Variants in CASK observed in about 807,000 individuals in gnomAD.
CASK encodes peripheral plasma membrane protein CASK.
Under a neutral mutation model 82.9 loss-of-function variants are expected in CASK, and 4 were observed. The observed-to-expected ratio is 0.05, with a 90% confidence interval of 0.02 to 0.11. The LOEUF is 0.11. Among genes scored for constraint, CASK ranks in the 10% least tolerant of loss-of-function variants. The probability of loss-of-function intolerance (pLI) is 1.00; values close to 1 mark genes in which losing one functional copy is unlikely to be tolerated. For missense variants in CASK, 358 were observed against 720.9 expected (o/e 0.50, Z 5.76); for synonymous variants, 259 against 253.5 (o/e 1.02, Z -0.20).
chrX:41,635,484 A>G (rs10494505), intron 9 of CASK, among the ~76,000 whole-genome samples: 13,053 of 111,232 alleles, frequency 0.12, 750 homozygotes, highest in Middle Eastern at 0.18. Flanking sequence ...AACAGTTAAC[A>G]TTTTTCAGTA....
At chrX:41,569,639 G>A (rs1458488996) in intron 16 of CASK, 29 bp downstream of exon 16, 1 of 1,029,055 alleles carries the variant, frequency 9.7e-7, no homozygotes, top group Non-Finnish European at 1.4e-6. Context: ...ATTAAGGAAG[G>A]CAAAGAAAGA....
In CASK at chrX:41,696,305, G is replaced by A. The variant is rs146920583; in HGVS notation, c.430-24775C>T. The A allele has an allele frequency of 7.6e-6, 9 of 1,177,204 alleles. No individual in the cohort carries two copies. The highest frequency in any genetic ancestry group is 3.6e-5 in the African/African-American group (2 of 55,680). Reference sequence around the variant, plus strand: ...AAGCCATTTTTAACTTCATTCTTGTGGTAATGTTCTGGCTAATTTTCTTAC... The same window carrying A: ...AAGCCATTTTTAACTTCATTCTTGTAGTAATGTTCTGGCTAATTTTCTTAC... On this transcript the variant is annotated intron_variant, in intron 5 of 26. Transcript: ENST00000378163.
chrX:41,730,672 A>G (rs956479464), intron 5 of CASK, among the ~76,000 whole-genome samples: 1 of 110,973 alleles, frequency 9.0e-6, no homozygotes, highest in African/African-American at 3.3e-5. Flanking sequence ...AGAGTTCCTG[A>G]GATGCACAGA....
At chrX:41,538,870 G>A (rs1226087744) in intron 22 of CASK, among the ~76,000 whole-genome samples, 1 of 111,526 alleles carries the variant, frequency 9.0e-6, no homozygotes, top group South Asian at 3.8e-4. Flanking sequence ...TGCCCGCAGG[G>A]GTCAGGTAGC....
chrX:41,761,126 T>C (rs189745025), intron 3 of CASK, among the ~76,000 whole-genome samples: 75 of 112,173 alleles, frequency 6.7e-4, no homozygotes, highest in Middle Eastern at 4.6e-3. Flanking sequence ...GGCAGGTGTA[T>C]CAGTGCAGCC....
At chrX:41,595,375 A>G (rs756970120) in intron 12 of CASK, among the ~76,000 whole-genome samples, 3 of 111,168 alleles carry the variant, frequency 2.7e-5, no homozygotes, top group Non-Finnish European at 5.7e-5. Flanking sequence ...CATACGAGGT[A>G]GGAAGATCAC....
chrX:41,639,134 C>T (rs1002156929), intron 8 of CASK, among the ~76,000 whole-genome samples: 3 of 102,301 alleles, frequency 2.9e-5, no homozygotes, highest in African/African-American at 7.2e-5. Context: ...AATGCAGTGG[C>T]GCAATCTCGG....
chrX:41,882,243 C>T (rs1378060530), intron 1 of CASK, among the ~76,000 whole-genome samples: 1 of 111,095 alleles, frequency 9.0e-6, no homozygotes, highest in African/African-American at 3.3e-5. Context: ...TAATAAAGGC[C>T]AGGTACTATT....
chrX:41,555,771 C>A, intron 19 of CASK, 136 bp from the exon 20 acceptor site: 1 of 488,686 alleles, frequency 2.0e-6, no homozygotes, highest in African/African-American at 2.4e-5. Flanking sequence ...TACATTATTC[C>A]ATTTATCAGA....
chrX:41,522,262 T>C (rs2064647845), intron 26 of CASK: 2 of 112,023 alleles, frequency 1.8e-5, no homozygotes, highest in Admixed American at 1.9e-4. Context: ...GATTCTGTCC[T>C]GGCACTGCAG....
At chrX:41,694,070 G>A (rs771617103) in intron 5 of CASK, among the ~76,000 whole-genome samples, 2 of 111,758 alleles carry the variant, frequency 1.8e-5, no homozygotes, top group South Asian at 7.5e-4. Flanking sequence ...TACTAATAGG[G>A]TCTCTGTCTT....
chrX:41,648,875 C>T (rs1402327529), intron 8 of CASK, among the ~76,000 whole-genome samples: 1 of 111,413 alleles, frequency 9.0e-6, no homozygotes, highest in Non-Finnish European at 1.9e-5. Context: ...GCTGTGAATC[C>T]ATCTGGTCCT....
At chrX:41,577,270 T>C (rs767950614) in intron 15 of CASK, among the ~76,000 whole-genome samples, 1 of 111,598 alleles carries the variant, frequency 9.0e-6, no homozygotes, top group East Asian at 2.8e-4. Context: ...TTACTGATAT[T>C]ACCTACTCTT....
intron 2 of CASK, among the ~76,000 whole-genome samples, chrX:41,815,485 A>G (rs1266277055): frequency 8.9e-6 from 1 of 112,220 alleles, no homozygotes; most frequent in Non-Finnish European, 1.9e-5. Context: ...GAGAAAAGAA[A>G]TACAAAAAAA....
chrX:41,800,338 C>T (rs1333813644), intron 2 of CASK, among the ~76,000 whole-genome samples: 5 of 110,496 alleles, frequency 4.5e-5, no homozygotes, highest in African/African-American at 9.9e-5. Context: ...CTGGGTGGAA[C>T]AGCCAATGAG....
chrX:41,552,756 A>G (rs949956085), intron 21 of CASK: 1 of 111,591 alleles, frequency 9.0e-6, no homozygotes, highest in Non-Finnish European at 1.9e-5. Context: ...TAAATTTAAT[A>G]CTATTTTTTG....
intron 2 of CASK, among the ~76,000 whole-genome samples, chrX:41,849,074 G>A (rs2071211759): frequency 9.0e-6 from 1 of 111,121 alleles, no homozygotes; most frequent in Non-Finnish European, 1.9e-5. Flanking sequence ...TACTATCTGG[G>A]ACTTTAGAAT....
At chrX:41,791,221 T>C (rs2147841580) in intron 2 of CASK, among the ~76,000 whole-genome samples, 1 of 109,905 alleles carries the variant, frequency 9.1e-6, no homozygotes, top group Non-Finnish European at 1.9e-5. Flanking sequence ...AGTTCTTTAG[T>C]GGTGATTTCT....
intron 5 of CASK, among the ~76,000 whole-genome samples, chrX:41,694,139 A>G (rs2067633636): frequency 8.9e-6 from 1 of 112,427 alleles, no homozygotes; most frequent in South Asian, 3.7e-4. Flanking sequence ...CTAAAATGAG[A>G]TTAATCAAAA....
Sources: allele counts gnomAD v4.1 joint callset (sites outside exome capture counted in the v4.1 genomes callset), GRCh38; gene constraint gnomAD v4.1.1; transcripts MANE v1.5; gene names NCBI Gene and HGNC (gene_info 2026-07-23, HGNC 2026-07-21).